The following ATXN7L1 variants were observed in gnomAD, a reference collection of about 807,000 sequenced individuals.
The protein encoded by ATXN7L1 is ataxin 7 like 1.
Under a neutral mutation model 70.8 loss-of-function variants are expected in ATXN7L1, and 15 were observed. That is an observed-to-expected ratio of 0.21 (90% CI 0.14 to 0.33). The LOEUF is 0.33. Among genes scored for constraint, ATXN7L1 ranks in the 10% least tolerant of loss-of-function variants. The pLI, the probability that ATXN7L1 is intolerant of heterozygous loss-of-function variation, is 1.00. For missense variants in ATXN7L1, 975 were observed against 1,097.1 expected (o/e 0.89, Z 1.57); for synonymous variants, 440 against 445.1 (o/e 0.99, Z 0.14).
chr7:105,636,290 G>A (rs553881137), intron 7 of ATXN7L1, among the ~76,000 whole-genome samples: 15 of 152,104 alleles, frequency 9.9e-5, no homozygotes, highest in Non-Finnish European at 2.1e-4. Flanking sequence ...AGCTACTTGG[G>A]AGGCTGAGGC....
At chr7:105,832,919 T>A (rs1299471488) in intron 2 of ATXN7L1, among the ~76,000 whole-genome samples, 1 of 152,162 alleles carries the variant, frequency 6.6e-6, no homozygotes, top group Admixed American at 6.6e-5. Context: ...CATCCATTAC[T>A]ATCCCAGCAC....
chr7:105,753,510 T>C (rs562203626), intron 3 of ATXN7L1, among the ~76,000 whole-genome samples: 1 of 152,356 alleles, frequency 6.6e-6, no homozygotes, highest in South Asian at 2.1e-4. Context: ...TTCTTTTTCC[T>C]ATCTATGATG....
chr7:105,646,271 T>C (rs1028765662), intron 4 of ATXN7L1, among the ~76,000 whole-genome samples: 4 of 152,024 alleles, frequency 2.6e-5, no homozygotes, highest in African/African-American at 7.2e-5. Flanking sequence ...GATCATGCTA[T>C]TGCACAGAGC....
chr7:105,619,139 A>AGTTTTTTT (rs1794372600), intron 9 of ATXN7L1, among the ~76,000 whole-genome samples: 5 of 23,576 alleles, frequency 2.1e-4, no homozygotes, highest in South Asian at 1.6e-3. Flanking sequence ...TGAAATCTTT[A>AGTTTTTTT]GTTTTTTTTT....
At chr7:105,702,042 C>T (rs1792526982) in intron 3 of ATXN7L1, among the ~76,000 whole-genome samples, 1 of 152,212 alleles carries the variant, frequency 6.6e-6, no homozygotes, top group Non-Finnish European at 1.5e-5. Context: ...AGTTGAAAAG[C>T]TCACATGACC....
intron 2 of ATXN7L1, among the ~76,000 whole-genome samples, chr7:105,802,417 A>G (rs1199275185): frequency 6.6e-6 from 1 of 152,100 alleles, no homozygotes; most frequent in African/African-American, 2.4e-5. Context: ...AAGGTCACCC[A>G]TAAGGAGCCG....
rs1191774371 is a variant in ATXN7L1, at chr7:105,619,140, G to GT, written c.1517+1059dup. Among the ~76,000 whole-genome samples the GT allele has an allele frequency of 3.0e-3, 149 of 49,828 alleles. 42 individuals carry two copies. Among genetic ancestry groups the GT allele is most frequent in the African/African-American group, 4.2e-3 (51 of 12,220 alleles). 32.7% of individuals were successfully genotyped at this position (49,828 alleles called of 152,430 possible). A position where few individuals can be genotyped will look rare whatever the true frequency, so the allele number is the denominator to read the frequency against. ...GTCCACAACCATAATGAAATCTTTA[G>GT]TTTTTTTTTTTTTTTTTTTTTTTTT... is the stretch of plus-strand genomic sequence containing the variant. On this transcript the variant is annotated intron_variant, in intron 9 of 11. Transcript: ENST00000419735.
At chr7:105,622,893 T>G (rs150231571) in intron 8 of ATXN7L1, among the ~76,000 whole-genome samples, 1 of 152,170 alleles carries the variant, frequency 6.6e-6, no homozygotes, top group Admixed American at 6.5e-5. Flanking sequence ...ACAGGGACCA[T>G]GCGTGAAAAG....
intron 9 of ATXN7L1, among the ~76,000 whole-genome samples, chr7:105,615,464 C>T (rs543975959): frequency 3.4e-4 from 52 of 152,276 alleles, no homozygotes; most frequent in Non-Finnish European, 5.4e-4. Flanking sequence ...CACTGACTCG[C>T]GGCTGCTGGC....
chr7:105,729,032 G>A (rs1204387809), intron 3 of ATXN7L1, among the ~76,000 whole-genome samples: 3 of 152,166 alleles, frequency 2.0e-5, no homozygotes, highest in African/African-American at 7.2e-5. Context: ...GGGAGGCCGA[G>A]ATGGAAGGAT....
At chr7:105,633,933 T>C (rs952104994) in intron 7 of ATXN7L1, among the ~76,000 whole-genome samples, 1 of 152,116 alleles carries the variant, frequency 6.6e-6, no homozygotes, top group African/African-American at 2.4e-5. Context: ...TGCTCGTGTG[T>C]GCACACACAC....
At position 105,876,595 on chromosome 7, in the gene ATXN7L1, G is replaced by C; in HGVS notation, c.-37C>G. The C allele has an allele frequency of 6.7e-7, 1 of 1,485,708 alleles. No homozygotes were observed. The highest frequency in any genetic ancestry group is 1.2e-5 in the South Asian group (1 of 83,482). 92.0% of individuals were successfully genotyped at this position (1,485,708 alleles called of 1,614,324 possible). ...TCCGACATTGAGTGTTCTGAAAGGGGGAGGGAGGGAGGAAGGGCGGGATGG... is the reference window on the plus strand; with the variant it reads ...TCCGACATTGAGTGTTCTGAAAGGGCGAGGGAGGGAGGAAGGGCGGGATGG... On this transcript the variant is annotated 5_prime_UTR_variant, in exon 1 of 12. Transcript: ENST00000419735.
In ATXN7L1 at chr7:105,614,215, C is replaced by T. The variant is rs1217786999; in HGVS notation, c.2119G>A (p.Val707Met). 6.4e-7 allele frequency: 1 copy of T among 1,551,716 alleles called. No homozygotes were observed. The highest frequency in any genetic ancestry group is 2.0e-5 in the Admixed American group (1 of 51,004). ...SLSVHNSNNGVSPLSAKLEPS... is the reference protein window; with the variant it reads ...SLSVHNSNNGMSPLSAKLEPS... Reference sequence around the variant, plus strand: ...TCCAGTTTGGCACTGAGTGGGCTCACCCCATTGTTTGAGTTGTGCACAGAC... The same window carrying T: ...TCCAGTTTGGCACTGAGTGGGCTCATCCCATTGTTTGAGTTGTGCACAGAC... Residue 707 changes from valine to methionine, a missense_variant, in exon 10 of 12, where the codon GTG becomes ATG. By Grantham distance (21) the Val-to-Met change is conservative. This residue lies in a region of ATXN7L1 where 635 missense variants were observed against 699.4 expected (regional missense o/e 0.91). Coordinates refer to ENST00000419735, the MANE Select transcript of ATXN7L1 (RefSeq NM_020725.2). The surrounding 1 kb of genome is among the most constrained non-coding windows in gnomAD (Gnocchi z 4.3).
intron 3 of ATXN7L1, chr7:105,788,305 C>T (rs1804621049): frequency 6.4e-6 from 2 of 314,950 alleles, no homozygotes; most frequent in South Asian, 1.1e-4. Flanking sequence ...GCAGCTCTCC[C>T]CTCCCCTGGT....
intron 3 of ATXN7L1, among the ~76,000 whole-genome samples, chr7:105,683,367 C>T (rs1805778823): frequency 6.6e-6 from 1 of 151,876 alleles, no homozygotes; most frequent in Non-Finnish European, 1.5e-5. Flanking sequence ...GTTTTAGTGC[C>T]CATACTTCAT....
At chr7:105,681,321 AT>A (rs1175444491) in intron 3 of ATXN7L1, among the ~76,000 whole-genome samples, 1 of 152,310 alleles carries the variant, frequency 6.6e-6, no homozygotes, top group East Asian at 1.9e-4. Context: ...GTCACCAGTC[AT>A]TAGGGAAACG....
Position 105,614,261 on chromosome 7 carries a change from C to T in ATXN7L1, c.2073G>A (p.Ala691=), listed in dbSNP as rs1471098350. The T allele has an allele frequency of 2.6e-6, 4 of 1,551,696 alleles. No individual in the cohort carries two copies. The highest frequency in any genetic ancestry group is 2.4e-5 in the East Asian group (1 of 40,910). Residue 691 remains alanine, a synonymous_variant, in exon 10 of 12, where the codon GCG becomes GCA. Coordinates refer to ENST00000419735, the MANE Select transcript of ATXN7L1 (RefSeq NM_020725.2). The surrounding 1 kb of genome is among the most constrained non-coding windows in gnomAD (Gnocchi z 4.3). ...CAGACAGGCTGTTATAGGGAGGGGC[C>T]GCCTGATAGGAGTTCAAAGCAGAAC... ...NASSALNSYQ[A]APPYNSLSVH...
At chr7:105,644,145 G>A (rs1169862568) in intron 4 of ATXN7L1, among the ~76,000 whole-genome samples, 1 of 152,164 alleles carries the variant, frequency 6.6e-6, no homozygotes, top group Non-Finnish European at 1.5e-5. Flanking sequence ...TGCAGACAAT[G>A]TAGGGCAGGA....
At chr7:105,656,755 G>C (rs1317120238) in intron 4 of ATXN7L1, among the ~76,000 whole-genome samples, 1 of 152,138 alleles carries the variant, frequency 6.6e-6, no homozygotes, top group African/African-American at 2.4e-5. Context: ...ACTTTTAGTA[G>C]GGACAGGGTT....
Sources: allele counts gnomAD v4.1 joint callset (sites outside exome capture counted in the v4.1 genomes callset), GRCh38; gene constraint gnomAD v4.1.1; regional missense constraint gnomAD v4.1.1; non-coding constraint Gnocchi (gnomAD v3.1); transcripts MANE v1.5; gene names NCBI Gene and HGNC (gene_info 2026-07-23, HGNC 2026-07-21).